CTNND2: variants seen among roughly 807,000 people sequenced by gnomAD.
CTNND2 encodes catenin delta-2.
Under a neutral mutation model 144.4 loss-of-function variants are expected in CTNND2, and 22 were observed. That is an observed-to-expected ratio of 0.15 (90% CI 0.11 to 0.22). CTNND2 has a LOEUF of 0.22. CTNND2 is among the 10% of genes least tolerant of loss of function. The probability of loss-of-function intolerance (pLI) is 1.00; values close to 1 mark genes in which losing one functional copy is unlikely to be tolerated. For missense variants in CTNND2, 1,353 were observed against 1,618.8 expected (o/e 0.84, Z 2.82); for synonymous variants, 751 against 695.6 (o/e 1.08, Z -1.25).
At chr5:11,262,415 A>G (rs1426047002) in intron 9 of CTNND2, among the ~76,000 whole-genome samples, 2 of 152,132 alleles carry the variant, frequency 1.3e-5, no homozygotes, top group Non-Finnish European at 2.9e-5. Flanking sequence ...TATTTTCTAG[A>G]CTGGATGTTG....
intron 3 of CTNND2, among the ~76,000 whole-genome samples, chr5:11,544,899 A>G (rs1394289350): frequency 6.6e-6 from 1 of 151,812 alleles, no homozygotes; most frequent in Non-Finnish European, 1.5e-5. Context: ...CGGGCAGATC[A>G]TGAGGTCAGG....
chr5:11,254,021 T>TA (rs1258943965), intron 9 of CTNND2, among the ~76,000 whole-genome samples: 5 of 152,158 alleles, frequency 3.3e-5, no homozygotes, highest in Non-Finnish European at 5.9e-5. Flanking sequence ...CCATTATGAC[T>TA]AAAAAAATGC....
At chr5:11,452,866 A>G (rs1453752445) in intron 3 of CTNND2, among the ~76,000 whole-genome samples, 1 of 152,242 alleles carries the variant, frequency 6.6e-6, no homozygotes, top group Non-Finnish European at 1.5e-5. Flanking sequence ...TTTGCGATCT[A>G]TCCTAATATA....
At chr5:11,301,646 G>A (rs113921292) in intron 9 of CTNND2, among the ~76,000 whole-genome samples, 69 of 152,134 alleles carry the variant, frequency 4.5e-4, no homozygotes, top group Middle Eastern at 3.4e-3. Flanking sequence ...TTTAAAATTC[G>A]TATTCTTCAC....
At chr5:11,589,746 C>CT (rs1378625220) in intron 2 of CTNND2, among the ~76,000 whole-genome samples, 2 of 152,136 alleles carry the variant, frequency 1.3e-5, no homozygotes, top group Non-Finnish European at 2.9e-5. Flanking sequence ...ATTTTAAGCA[C>CT]TTTTTATTGA....
At chr5:11,146,347 T>A (rs1349025112) in intron 12 of CTNND2, among the ~76,000 whole-genome samples, 2 of 151,988 alleles carry the variant, frequency 1.3e-5, no homozygotes, top group South Asian at 4.1e-4. Context: ...GGCTGCAGAG[T>A]TCAGTGCTGA....
chr5:11,316,767 T>C (rs1049373301), intron 9 of CTNND2, among the ~76,000 whole-genome samples: 1 of 152,010 alleles, frequency 6.6e-6, no homozygotes, highest in Non-Finnish European at 1.5e-5. Context: ...TTGCGATGTT[T>C]ACTAAGAATG....
intron 8 of CTNND2, among the ~76,000 whole-genome samples, chr5:11,355,165 TAA>T (rs1469707455): frequency 6.6e-6 from 1 of 151,900 alleles, no homozygotes; most frequent in East Asian, 1.9e-4. Context: ...ATAAACAACC[TAA>T]AGGTGTACTT....
intron 7 of CTNND2, among the ~76,000 whole-genome samples, chr5:11,368,633 G>A (rs1757190964): frequency 2.0e-5 from 3 of 152,164 alleles, no homozygotes; most frequent in African/African-American, 7.2e-5. Context: ...CATGAAAGGT[G>A]GCCTCAGGGT....
intron 16 of CTNND2, among the ~76,000 whole-genome samples, chr5:11,024,556 C>G (rs1442632378): frequency 6.6e-6 from 1 of 152,102 alleles, no homozygotes; most frequent in Non-Finnish European, 1.5e-5. Flanking sequence ...CAATGTGTTC[C>G]TTTTTCCTTT....
chr5:11,179,398 C>T (rs1240521373), intron 11 of CTNND2, among the ~76,000 whole-genome samples: 1 of 152,128 alleles, frequency 6.6e-6, no homozygotes, highest in Non-Finnish European at 1.5e-5. Flanking sequence ...AAGGTTATCA[C>T]AGAAAATATG....
At chr5:10,976,582 A>G (rs972930646) in intron 21 of CTNND2, among the ~76,000 whole-genome samples, 2 of 152,188 alleles carry the variant, frequency 1.3e-5, no homozygotes, top group African/African-American at 4.8e-5. Flanking sequence ...TCCAGGGTCA[A>G]TATGCTCACG....
chr5:11,757,268 G>A (rs578140450), intron 1 of CTNND2, among the ~76,000 whole-genome samples: 46 of 151,442 alleles, frequency 3.0e-4, no homozygotes, highest in East Asian at 5.8e-4. Context: ...GGATGTCTTC[G>A]AGACCATTTC....
intron 9 of CTNND2, among the ~76,000 whole-genome samples, chr5:11,259,375 G>T (rs1159577631): frequency 6.6e-6 from 1 of 152,196 alleles, no homozygotes; most frequent in Non-Finnish European, 1.5e-5. Context: ...TAGAGAAGAT[G>T]CTAGGTCAAT....
At chr5:11,182,693 T>A (rs1037234190) in intron 11 of CTNND2, among the ~76,000 whole-genome samples, 1 of 152,118 alleles carries the variant, frequency 6.6e-6, no homozygotes, top group Non-Finnish European at 1.5e-5. Flanking sequence ...CAACAGTCAA[T>A]GGGGAGAAGC....
At chr5:11,513,792 T>C (rs1254115937) in intron 3 of CTNND2, among the ~76,000 whole-genome samples, 3 of 152,140 alleles carry the variant, frequency 2.0e-5, no homozygotes, top group South Asian at 2.1e-4. Context: ...CACTATATAG[T>C]ATGTGTGGTC....
chr5:11,264,520 C>CA (rs1745242682), intron 9 of CTNND2, among the ~76,000 whole-genome samples: 2 of 152,192 alleles, frequency 1.3e-5, no homozygotes, highest in Admixed American at 1.3e-4. Flanking sequence ...AAAAATCACA[C>CA]AGTGAATACA....
rs34257746 is a variant in CTNND2 at position 11,162,884 on chromosome 5, T to TACAC, written c.1976-3129_1976-3126dup. 2.6e-3 allele frequency among the ~76,000 whole-genome samples: 384 copies of TACAC among 147,894 alleles called. 1 individual carries two copies. Among genetic ancestry groups the TACAC allele is most frequent in the East Asian group, 8.0e-3 (40 of 5,018 alleles). On this transcript the variant is annotated intron_variant, in intron 11 of 21. Coordinates refer to ENST00000304623, the MANE Select transcript of CTNND2 (RefSeq NM_001332.4). ...ACTGGGAATTCCACATCTTTCCTGC[T>TACAC]ACACACACACACACACACACACACA... is the stretch of plus-strand genomic sequence containing the variant.
chr5:11,898,998 G>A (rs574376586), intron 1 of CTNND2, among the ~76,000 whole-genome samples: 2 of 152,294 alleles, frequency 1.3e-5, no homozygotes, highest in South Asian at 2.1e-4. Context: ...CAACCTGGAA[G>A]AGCTGGGCAC....
Sources: allele counts gnomAD v4.1 joint callset (sites outside exome capture counted in the v4.1 genomes callset), GRCh38; gene constraint gnomAD v4.1.1; transcripts MANE v1.5; gene names NCBI Gene and HGNC (gene_info 2026-07-23, HGNC 2026-07-21).